The following GNPTAB variants were observed in gnomAD, a reference collection of about 807,000 sequenced individuals.
GNPTAB encodes the protein N-acetylglucosamine-1-phosphate transferase subunits alpha and beta.
Under a neutral mutation model 136.6 loss-of-function variants are expected in GNPTAB, and 92 were observed. The ratio of observed to expected loss-of-function variants is 0.67; its 90% confidence interval spans 0.57 to 0.80. The LOEUF (loss-of-function observed/expected upper bound fraction) is 0.80. Ranked by LOEUF, GNPTAB falls within the 30% of genes least tolerant of loss-of-function variation. The pLI is 0.00. For missense variants in GNPTAB, 1,343 were observed against 1,501.8 expected (o/e 0.89, Z 1.75); for synonymous variants, 512 against 535.1 (o/e 0.96, Z 0.60).
At chr12:101,770,314 G>A in intron 9 of GNPTAB, 92 bp downstream of exon 9, 1 of 1,360,638 alleles carries the variant, frequency 7.3e-7, no homozygotes, top group Admixed American at 1.7e-5. Context: ...GAGGTAGAAG[G>A]GTAAAGGGAA....
In GNPTAB at chr12:101,816,144, C is replaced by T. The variant is rs140335649; in HGVS notation, c.117+14415G>A. On this transcript the variant is annotated intron_variant, in intron 1 of 20. Coordinates refer to ENST00000299314, the MANE Select transcript of GNPTAB (RefSeq NM_024312.5). ...GGAAAATCATCTGGGCAGAGACTTACGGAGTAAGACCTAAAGAGAATACAC... is the reference window on the plus strand; with the variant it reads ...GGAAAATCATCTGGGCAGAGACTTATGGAGTAAGACCTAAAGAGAATACAC... Among the ~76,000 whole-genome samples, 681 of 152,084 alleles carry T rather than the reference C, an allele frequency of 4.5e-3. 2 individuals are homozygous for T. Among genetic ancestry groups the T allele is most frequent in the Middle Eastern group, 0.037 (11 of 294 alleles).
At chr12:101,815,938 A>G (rs182943976) in intron 1 of GNPTAB, among the ~76,000 whole-genome samples, 1 of 152,354 alleles carries the variant, frequency 6.6e-6, no homozygotes, top group African/African-American at 2.4e-5. Context: ...CCAAGAACAT[A>G]CGATGGGGAA....
At chr12:101,824,902 C>T (rs897432741) in intron 1 of GNPTAB, among the ~76,000 whole-genome samples, 2 of 152,100 alleles carry the variant, frequency 1.3e-5, no homozygotes, top group African/African-American at 2.4e-5. Flanking sequence ...AAAGAAAAAG[C>T]GATCACAAAC....
At chr12:101,799,197 C>A (rs549354996) in intron 1 of GNPTAB, among the ~76,000 whole-genome samples, 1 of 152,044 alleles carries the variant, frequency 6.6e-6, no homozygotes, top group African/African-American at 2.4e-5. Context: ...TACAGACTAA[C>A]ATAATGCAAG....
In GNPTAB at chr12:101,830,916, G is replaced by C. The variant is rs987396376; in HGVS notation, c.-241C>G. ...GCGGAGGCGGACCTGCGGCCGGCGA[G>C]GCGGCCGGCGCCGCCCGGGTCTGGC... is the stretch of plus-strand genomic sequence containing the variant. On this transcript the variant is annotated 5_prime_UTR_variant, in exon 1 of 21. Transcript: ENST00000299314. 1 of 147,508 alleles carries C rather than the reference G, an allele frequency of 6.8e-6. No homozygotes were observed. The highest frequency in any genetic ancestry group is 1.5e-5 in the Non-Finnish European group (1 of 66,584). 9.1% of individuals were successfully genotyped at this position (147,508 alleles called of 1,614,324 possible). A position where few individuals can be genotyped will look rare whatever the true frequency, so the allele number is the denominator to read the frequency against.
chr12:101,768,993 A>G (rs1400174623), intron 10 of GNPTAB, among the ~76,000 whole-genome samples: 1 of 152,202 alleles, frequency 6.6e-6, no homozygotes, highest in Non-Finnish European at 1.5e-5. Context: ...TGAGCCCTAC[A>G]GTCTGATACA....
At chr12:101,817,976 G>A (rs761680060) in intron 1 of GNPTAB, among the ~76,000 whole-genome samples, 10 of 152,032 alleles carry the variant, frequency 6.6e-5, no homozygotes, top group Non-Finnish European at 1.5e-4. Context: ...TCCTTTGATG[G>A]TCCCCATTTT....
intron 3 of GNPTAB, among the ~76,000 whole-genome samples, chr12:101,789,656 T>C (rs1175666958): frequency 1.3e-5 from 2 of 152,172 alleles, no homozygotes. Flanking sequence ...AACAAACTTT[T>C]TATTTTTTGT....
chr12:101,805,483 G>GC (rs1869884820), intron 1 of GNPTAB, among the ~76,000 whole-genome samples: 1 of 152,154 alleles, frequency 6.6e-6, no homozygotes, highest in South Asian at 2.1e-4. Context: ...GATGTACTGA[G>GC]CCTAGGGCTC....
chr12:101,807,955 T>C (rs1870017302), intron 1 of GNPTAB, among the ~76,000 whole-genome samples: 1 of 152,020 alleles, frequency 6.6e-6, no homozygotes, highest in South Asian at 2.1e-4. Context: ...ATAACAACAA[T>C]GAACAATTGG....
intron 19 of GNPTAB, among the ~76,000 whole-genome samples, chr12:101,751,315 C>T (rs1056368599): frequency 3.3e-5 from 5 of 152,206 alleles, no homozygotes; most frequent in Non-Finnish European, 7.3e-5. Context: ...GTCCTTCCTA[C>T]GTACACCAGC....
chr12:101,786,980 T>C (rs1018013962), intron 4 of GNPTAB, among the ~76,000 whole-genome samples: 3 of 152,216 alleles, frequency 2.0e-5, no homozygotes, highest in Non-Finnish European at 4.4e-5. Context: ...CTGGTGTCAC[T>C]CCAAACGACA....
At chr12:101,751,557 G>C (rs1234527702) in intron 19 of GNPTAB, among the ~76,000 whole-genome samples, 3 of 152,208 alleles carry the variant, frequency 2.0e-5, no homozygotes, top group Non-Finnish European at 4.4e-5. Context: ...GAAAGATGAA[G>C]AAAACTTATA....
In GNPTAB at chr12:101,745,893, G is replaced by A. The variant is rs564641236; in HGVS notation, c.*1271C>T. 6.6e-6 allele frequency: 1 copy of A among 152,354 alleles called. No individual in the cohort carries two copies. Among genetic ancestry groups the A allele is most frequent in the African/African-American group, 2.4e-5 (1 of 41,538 alleles). 9.4% of individuals were successfully genotyped at this position (152,354 alleles called of 1,614,324 possible). ...CTACTAAAAATACAAAAATTAGCAG[G>A]GTGTGGTGGCATGCACCTGTAGTCC... is the stretch of plus-strand genomic sequence containing the variant. On this transcript the variant is annotated 3_prime_UTR_variant, in exon 21 of 21. Coordinates refer to ENST00000299314, the MANE Select transcript of GNPTAB (RefSeq NM_024312.5).
Position 101,758,815 on chromosome 12 carries a change from G to A in GNPTAB, c.3250-1158C>T, listed in dbSNP as rs547162820. 3.3e-5 allele frequency among the ~76,000 whole-genome samples: 5 copies of A among 152,298 alleles called. No individual in the cohort carries two copies. The East Asian group carries it at 9.6e-4, about 29-fold the overall frequency. On this transcript the variant is annotated intron_variant, in intron 16 of 20. Transcript: ENST00000299314. The stretch of plus-strand genomic sequence containing the variant: ...TGCAGTCATTATTTATACATGGCTT[G>A]AAGATTTGCAAGATCGTAATTTTTT...
At chr12:101,789,890 T>C in intron 3 of GNPTAB, 48 bp downstream of exon 3, 1 of 1,567,986 alleles carries the variant, frequency 6.4e-7, no homozygotes, top group East Asian at 2.2e-5. Flanking sequence ...CAGACCTTAT[T>C]ACATCGCCAC....
chr12:101,761,400 C>A, intron 14 of GNPTAB, 54 bp from the exon 15 acceptor site: 1 of 1,548,404 alleles, frequency 6.5e-7, no homozygotes, highest in Non-Finnish European at 8.9e-7. Context: ...TGTACCGTAT[C>A]TAACATTTGC....
chr12:101,776,902 T>C (rs988018912), intron 7 of GNPTAB, among the ~76,000 whole-genome samples: 3 of 152,234 alleles, frequency 2.0e-5, no homozygotes, highest in African/African-American at 7.2e-5. Context: ...TGGGGGAACC[T>C]GCGAGGGCAA....
chr12:101,792,430 A>C (rs1384024788), intron 2 of GNPTAB, among the ~76,000 whole-genome samples: 1 of 152,202 alleles, frequency 6.6e-6, no homozygotes, highest in Non-Finnish European at 1.5e-5. Flanking sequence ...TACTTACCAA[A>C]TGTCTTGTCA....
Sources: gnomAD v4.1 joint callset for allele counts (sites outside exome capture counted in the v4.1 genomes callset) on GRCh38, gnomAD v4.1.1 for gene constraint, MANE v1.5 for transcripts, NCBI Gene and HGNC (gene_info 2026-07-23, HGNC 2026-07-21) for gene names.